TENM2: variants seen among roughly 807,000 people sequenced by gnomAD.
TENM2 encodes the protein teneurin-2.
A neutral mutation model predicts 245.2 loss-of-function variants in TENM2; 52 were observed. The observed-to-expected ratio is 0.21, with a 90% CI of 0.17 to 0.27. The LOEUF is 0.27. TENM2 is among the 10% of genes least tolerant of loss of function. The pLI, the probability that TENM2 is intolerant of heterozygous loss-of-function variation, is 1.00. For synonymous variants in TENM2, 1,363 were observed against 1,438.9 expected (o/e 0.95, Z 1.19); for missense variants, 3,046 against 3,666.8 (o/e 0.83, Z 4.37).
At chr5:167,852,186 C>G (rs757763296) in intron 2 of TENM2, among the ~76,000 whole-genome samples, 5 of 152,186 alleles carry the variant, frequency 3.3e-5, no homozygotes, top group Admixed American at 6.5e-5. Context: ...GTTTTCCAAG[C>G]TTGAACCACT....
At chr5:168,091,039 A>G (rs1034562559) in intron 8 of TENM2, among the ~76,000 whole-genome samples, 1 of 152,182 alleles carries the variant, frequency 6.6e-6, no homozygotes, top group Non-Finnish European at 1.5e-5. Context: ...ACACTACCTA[A>G]GCAAATCACT....
At chr5:167,624,098 T>G (rs58728571) in intron 2 of TENM2, among the ~76,000 whole-genome samples, 2 of 152,120 alleles carry the variant, frequency 1.3e-5, no homozygotes, top group South Asian at 4.1e-4. Flanking sequence ...AATAAATCAT[T>G]CTACCAATAA....
chr5:168,008,989 A>G (rs17069578), intron 5 of TENM2, among the ~76,000 whole-genome samples: 23,795 of 152,190 alleles, frequency 0.16, 2,036 homozygotes, highest in Admixed American at 0.26. Flanking sequence ...TGGATTTTGT[A>G]TGGAAGTCTA....
the TENM2 span, among the ~76,000 whole-genome samples, chr5:167,148,046 C>G: frequency 6.6e-6 from 1 of 152,170 alleles, no homozygotes; most frequent in Non-Finnish European, 1.5e-5. Flanking sequence ...TGATCACAAT[C>G]TGCCATCGTG....
At chr5:167,831,773 A>G (rs1187563856) in intron 2 of TENM2, among the ~76,000 whole-genome samples, 1 of 152,118 alleles carries the variant, frequency 6.6e-6, no homozygotes, top group Non-Finnish European at 1.5e-5. Context: ...AATAGCCTTA[A>G]TGGGAGGAAA....
At chr5:167,352,093 A>C (rs540890879) in intron 1 of TENM2, among the ~76,000 whole-genome samples, 1 of 152,284 alleles carries the variant, frequency 6.6e-6, no homozygotes, top group South Asian at 2.1e-4. Context: ...ATCATTTATC[A>C]ATAGGTAAAT....
intron 2 of TENM2, among the ~76,000 whole-genome samples, chr5:167,801,112 ATATATATATATATATATATAT>A (rs1765719407): frequency 1.2e-4 from 6 of 51,004 alleles, no homozygotes; most frequent in South Asian, 7.9e-4. Flanking sequence ...AAAAAAAAAT[ATATATATATATATATATATAT>A]ATATATATAT....
chr5:167,509,221 A>G (rs1353948097), intron 2 of TENM2, among the ~76,000 whole-genome samples: 1 of 152,206 alleles, frequency 6.6e-6, no homozygotes, highest in Admixed American at 6.5e-5. Context: ...TAACTGTCAG[A>G]TTGTGTAAGC....
At chr5:167,363,047 C>CAGA (rs777854032) in intron 1 of TENM2, among the ~76,000 whole-genome samples, 2 of 152,128 alleles carry the variant, frequency 1.3e-5, no homozygotes, top group Non-Finnish European at 2.9e-5. Flanking sequence ...ATAGCTTGAT[C>CAGA]AGAACAACAA....
chr5:167,255,788 CT>C, the TENM2 span, among the ~76,000 whole-genome samples: 149 of 152,170 alleles, frequency 9.8e-4, no homozygotes, highest in African/African-American at 3.5e-3. Flanking sequence ...GGAACAGTAG[CT>C]TTTGCAGTAC....
At chr5:168,246,891 T>C (rs2152690791) in exon 27 of TENM2, 1 of 1,613,920 alleles carries the variant, frequency 6.2e-7, no homozygotes, top group East Asian at 2.2e-5. Context: ...GCTACATCCG[T>C]AATATTTACA....
chr5:167,396,446 AGGG>A (rs1273856707), intron 2 of TENM2, among the ~76,000 whole-genome samples: 1 of 152,142 alleles, frequency 6.6e-6, no homozygotes, highest in Non-Finnish European at 1.5e-5. Context: ...GAAATTTGCC[AGGG>A]GTTGAAAGAA....
intron 4 of TENM2, among the ~76,000 whole-genome samples, chr5:167,971,107 C>T (rs572073911): frequency 2.6e-5 from 4 of 151,964 alleles, no homozygotes; most frequent in East Asian, 1.9e-4. Context: ...GGGAAAAGAG[C>T]GAAGTATAGC....
chr5:167,823,067 T>C (rs1042086642), intron 2 of TENM2, among the ~76,000 whole-genome samples: 1 of 152,192 alleles, frequency 6.6e-6, no homozygotes, highest in African/African-American at 2.4e-5. Flanking sequence ...AGGCAACCCT[T>C]TGTACTGCAT....
intron 2 of TENM2, among the ~76,000 whole-genome samples, chr5:167,788,603 C>T (rs1371829460): frequency 1.3e-5 from 2 of 152,154 alleles, no homozygotes; most frequent in Admixed American, 6.5e-5. Flanking sequence ...AAACTCATCA[C>T]ATAACGGGTC....
chr5:167,563,034 AGT>A (rs1316548907), intron 2 of TENM2, among the ~76,000 whole-genome samples: 2 of 152,048 alleles, frequency 1.3e-5, no homozygotes, highest in Non-Finnish European at 2.9e-5. Context: ...CCTAAATGCC[AGT>A]GTGTCACATC....
At position 167,696,452 on chromosome 5, in the gene TENM2, AT is replaced by A. The variant is rs531011343; in HGVS notation, c.503-179531del. 3.1e-3 allele frequency among the ~76,000 whole-genome samples: 475 copies of A among 152,292 alleles called. 4 individuals carry two copies. The highest frequency in any genetic ancestry group is 8.2e-3 in the Admixed American group (126 of 15,292). The stretch of plus-strand genomic sequence containing the variant: ...CATTGTCTCCCTTCACAGTCTGTGG[AT>A]TTCATGTAGTTCTCTGCCACACTTT... On this transcript the variant is annotated intron_variant, in intron 2 of 28. Coordinates refer to ENST00000518659, the Ensembl canonical transcript of TENM2.
At chr5:167,408,116 A>G (rs986551539) in intron 2 of TENM2, among the ~76,000 whole-genome samples, 2 of 152,160 alleles carry the variant, frequency 1.3e-5, no homozygotes, top group African/African-American at 4.8e-5. Flanking sequence ...AATATATCAA[A>G]TCTAGCAAAT....
chr5:167,970,409 G>A (rs1035425362), intron 4 of TENM2, among the ~76,000 whole-genome samples: 1 of 152,088 alleles, frequency 6.6e-6, no homozygotes, highest in Admixed American at 6.5e-5. Context: ...CTCATTTATT[G>A]TCTTACTAAC....
Sources: gnomAD v4.1 joint callset for allele counts (sites outside exome capture counted in the v4.1 genomes callset) on GRCh38, gnomAD v4.1.1 for gene constraint, MANE v1.5 for transcripts, NCBI Gene and HGNC (gene_info 2026-07-23, HGNC 2026-07-21) for gene names.